Variants in GPRIN2 observed in about 807,000 individuals in gnomAD.
GPRIN2 encodes G protein-regulated inducer of neurite outgrowth 2.
A neutral mutation model predicts 0.3 loss-of-function variants in GPRIN2; 1 was observed. The ratio of observed to expected loss-of-function variants is 3.90; its 90% CI spans 1.39 to 18.51. The LOEUF (loss-of-function observed/expected upper bound fraction) is 18.51. Among genes scored for constraint, GPRIN2 ranks in the 30% most tolerant of loss-of-function variants. GPRIN2 has a pLI of 0.11. For missense variants in GPRIN2, 880 were observed against 604.2 expected, an observed-to-expected ratio of 1.46 and a Z score of -4.79; for synonymous variants, 361 against 258.6, an observed-to-expected ratio of 1.40 and a Z score of -3.80.
At position 46,547,707 on chromosome 10, in the gene GPRIN2, C is replaced by A. The variant is rs1832838109; in HGVS notation, c.*1653G>T. Among the ~76,000 whole-genome samples the A allele has an allele frequency of 1.2e-4, 18 of 152,300 alleles. No individual in the cohort carries two copies. The highest frequency in any genetic ancestry group is 4.1e-4 in the African/African-American group (17 of 41,476). On this transcript the variant is annotated 3_prime_UTR_variant, in exon 3 of 3. Transcript: ENST00000374314. ...CCTGGAGACTCCATGGGGAGCCAGG[C>A]ATGAAGATGGCATATACCCATGTGT...
chr10:46,552,129 G>C (rs759773735), intron 2 of GPRIN2, among the ~76,000 whole-genome samples: 17 of 152,298 alleles, frequency 1.1e-4, no homozygotes, highest in Admixed American at 3.3e-4. Flanking sequence ...ATGAGAAAAG[G>C]CTTCCTGGAG....
chr10:46,550,727 T>A lies in GPRIN2; in HGVS notation c.10A>T (p.Ser4Cys), dbSNP rs146887983. 2,241 of 1,504,344 alleles carry A rather than the reference T, an allele frequency of 1.5e-3. No individual in the cohort carries two copies. Among genetic ancestry groups the A allele is most frequent in the Non-Finnish European group, 1.8e-3 (2,073 of 1,127,590 alleles). The allele number at this position is 1,504,344 out of a possible 1,614,324, so 93.2% of individuals were successfully genotyped here. A position where few individuals can be genotyped will look rare whatever the true frequency, so the allele number is the denominator to read the frequency against. Reference sequence around the variant, plus strand: ...GCCCAGGGACCCGGCTCGGGGCGGCTGGAGCTCATGGCTGCCTGCAGAAGA... The same window carrying A: ...GCCCAGGGACCCGGCTCGGGGCGGCAGGAGCTCATGGCTGCCTGCAGAAGA... Reference protein sequence around the residue: MSSSRPEPGPWAPL... With the variant: MSSCRPEPGPWAPL... The change falls in exon 3 of 3, where the codon AGC becomes TGC. Residue 4 changes from serine (S) to cysteine (C), a missense_variant. Transcript: ENST00000374314.
chr10:46,546,211 T>C lies in GPRIN2; in HGVS notation c.*3149A>G, dbSNP rs1832912225. 1.3e-5 allele frequency among the ~76,000 whole-genome samples: 2 copies of C among 152,414 alleles called. No homozygotes were observed. The highest frequency in any genetic ancestry group is 4.1e-4 in the South Asian group (2 of 4,834). ...AGCCTGGGGCCAGACAAGGGATGCG[T>C]GTCTTGTGTCCTGGACACAAGACAG... On this transcript the variant is annotated 3_prime_UTR_variant, in exon 3 of 3. Coordinates refer to ENST00000374314, the MANE Select transcript of GPRIN2 (RefSeq NM_001385282.1).
At position 46,550,148 on chromosome 10, in the gene GPRIN2, G is replaced by A. The variant is rs1832466079; in HGVS notation, c.589C>T (p.Pro197Ser). The A allele has an allele frequency of 6.2e-7, 1 of 1,602,956 alleles. No individual in the cohort carries two copies. The highest frequency in any genetic ancestry group is 1.1e-5 in the South Asian group (1 of 89,840). The change falls in exon 3 of 3, where the codon CCA (proline) becomes TCA (serine). Residue 197 changes from proline to serine, a missense_variant. Physicochemically the swap from Pro to Ser is moderately conservative, Grantham distance 74. Transcript: ENST00000374314. Reference sequence around the variant, plus strand: ...GTTGTGTCCCCCAGGTCTAGTGGTGGCACTGACAACTGACTCGCCCCCAGC... The same window carrying A: ...GTTGTGTCCCCCAGGTCTAGTGGTGACACTGACAACTGACTCGCCCCCAGC... ...WMLGASQLSV[P>S]PLDLGDTTAH...
rs1841948167 is a variant in GPRIN2 at position 46,544,058 on chromosome 10, A to G, written c.*5302T>C. On this transcript the variant is annotated 3_prime_UTR_variant, in exon 3 of 3. Transcript: ENST00000374314. ...AACAGAACTGGCCCCATGTCTCTCA[A>G]TCAGGGAGGTCCCCAGCCAGCTTTG... 1.3e-5 allele frequency among the ~76,000 whole-genome samples: 2 copies of G among 152,414 alleles called. No homozygotes were observed. The highest frequency in any genetic ancestry group is 1.5e-5 in the Non-Finnish European group (1 of 68,048).
chr10:46,555,744 T>C (rs1227407194), intron 1 of GPRIN2, among the ~76,000 whole-genome samples: 1 of 152,294 alleles, frequency 6.6e-6, no homozygotes, highest in Admixed American at 6.5e-5. Flanking sequence ...CCACAATCCC[T>C]GGGGGGCACC....
Position 46,544,411 on chromosome 10 carries a change from C to A in GPRIN2, c.*4949G>T, listed in dbSNP as rs1472613516. ...CTATCTCGGCTCACTGCAACCTCCACCTCCTGGGCTCAAGCCATCTTCCCA... is the reference window on the plus strand; with the variant it reads ...CTATCTCGGCTCACTGCAACCTCCAACTCCTGGGCTCAAGCCATCTTCCCA... On this transcript the variant is annotated 3_prime_UTR_variant, in exon 3 of 3. Coordinates refer to ENST00000374314, the MANE Select transcript of GPRIN2 (RefSeq NM_001385282.1). 6.6e-6 allele frequency among the ~76,000 whole-genome samples: 1 copy of A among 152,310 alleles called. No individual in the cohort carries two copies. The highest frequency in any genetic ancestry group is 6.5e-5 in the Admixed American group (1 of 15,294).
chr10:46,553,705 C>T (rs1164591846), intron 2 of GPRIN2, among the ~76,000 whole-genome samples: 1 of 152,308 alleles, frequency 6.6e-6, no homozygotes, highest in African/African-American at 2.4e-5. Flanking sequence ...CTATTGGTTC[C>T]CTTCCCCATT....
Position 46,542,807 on chromosome 10 carries a change from A to G in GPRIN2, c.*6553T>C, listed in dbSNP as rs1209197234. ...GTGGGACAGTGCAGTGTGTCCCCAC[A>G]GGGGCTCAGGCCACACCCCAACCCA... is the stretch of plus-strand genomic sequence containing the variant. On this transcript the variant is annotated 3_prime_UTR_variant, in exon 3 of 3. Coordinates refer to ENST00000374314, the MANE Select transcript of GPRIN2 (RefSeq NM_001385282.1). Among the ~76,000 whole-genome samples the G allele has an allele frequency of 2.0e-5, 3 of 152,306 alleles. No homozygotes were observed. Among genetic ancestry groups the G allele is most frequent in the Non-Finnish European group, 4.4e-5 (3 of 68,056 alleles).
intron 2 of GPRIN2, 123 bp downstream of exon 2, chr10:46,554,462 C>T (rs1842954964): frequency 6.5e-6 from 1 of 152,962 alleles, no homozygotes; most frequent in Non-Finnish European, 1.5e-5. Context: ...ACCCACCCTG[C>T]CTTTATAACA....
rs1357167901 is a variant in GPRIN2, at chr10:46,544,212, C to T, written c.*5148G>A. On this transcript the variant is annotated 3_prime_UTR_variant, in exon 3 of 3. Transcript: ENST00000374314. ...ACTTCCCAGAAACCACACAGAGGAG[C>T]CCGGGTGTGCCAGAAACAGCCTTTC... Among the ~76,000 whole-genome samples the T allele has an allele frequency of 6.6e-6, 1 of 152,308 alleles. No individual in the cohort carries two copies. Among genetic ancestry groups the T allele is most frequent in the Non-Finnish European group, 1.5e-5 (1 of 68,056 alleles).
At position 46,550,657 on chromosome 10, in the gene GPRIN2, C is replaced by A; in HGVS notation, c.80G>T (p.Ser27Ile). The change falls in exon 3 of 3, where the codon AGC becomes ATC. Residue 27 changes from serine (S) to isoleucine (I), a missense_variant. By Grantham distance (142) the Ser-to-Ile change is moderately radical (BLOSUM62 -2). Transcript: ENST00000374314. ...RLQPLSQSSS[S>I]LLGEGREQRP... is the part of the protein sequence containing the mutation. Reference sequence around the variant, plus strand: ...CTGTTCCCGGCCTTCACCCAGCAGGCTGGAAGAGCTCTGGGACAGGGGCTG... The same window carrying A: ...CTGTTCCCGGCCTTCACCCAGCAGGATGGAAGAGCTCTGGGACAGGGGCTG... The A allele has an allele frequency of 6.5e-7, 1 of 1,550,002 alleles. No individual in the cohort carries two copies. The highest frequency in any genetic ancestry group is 1.4e-5 in the African/African-American group (1 of 73,196).
At chr10:46,553,889 A>C (rs2131578373) in intron 2 of GPRIN2, among the ~76,000 whole-genome samples, 1 of 152,300 alleles carries the variant, frequency 6.6e-6, no homozygotes, top group South Asian at 2.1e-4. Context: ...TACTGGGGGA[A>C]AGAGGCTTCC....
intron 2 of GPRIN2, chr10:46,551,615 T>G: frequency 3.8e-6 from 2 of 522,794 alleles, no homozygotes; most frequent in Non-Finnish European, 4.9e-6. Context: ...GCCCACCCAG[T>G]ACCATCAATC....
At position 46,543,128 on chromosome 10, in the gene GPRIN2, G is replaced by A. The variant is rs1565180182; in HGVS notation, c.*6232C>T. 2.0e-5 allele frequency among the ~76,000 whole-genome samples: 3 copies of A among 152,426 alleles called. No homozygotes were observed. The East Asian group carries it at 5.8e-4, about 29-fold the overall frequency. On this transcript the variant is annotated 3_prime_UTR_variant, in exon 3 of 3. Transcript: ENST00000374314. ...TGTAAGGAGATGCTCAGATGTTTTG[G>A]TTTGTGTCCAAAGAGGGGAAGGACA...
rs1842045971 is a variant in GPRIN2, at chr10:46,545,172, C to T, written c.*4188G>A. On this transcript the variant is annotated 3_prime_UTR_variant, in exon 3 of 3. Coordinates refer to ENST00000374314, the MANE Select transcript of GPRIN2 (RefSeq NM_001385282.1). The stretch of plus-strand genomic sequence containing the variant: ...CTACAAGCTTGGCATGACATGGATG[C>T]AAATGTCAATGGGTGCACCCCCAGA... 6.6e-6 allele frequency among the ~76,000 whole-genome samples: 1 copy of T among 152,310 alleles called. No homozygotes were observed. The highest frequency in any genetic ancestry group is 2.1e-4 in the South Asian group (1 of 4,838).
chr10:46,550,048 G>A lies in GPRIN2; in HGVS notation c.689C>T (p.Pro230Leu), dbSNP rs1240957157. 2 of 1,613,766 alleles carry A rather than the reference G, an allele frequency of 1.2e-6. No individual in the cohort carries two copies. The highest frequency in any genetic ancestry group is 1.7e-6 in the Non-Finnish European group (2 of 1,179,846). The stretch of plus-strand genomic sequence containing the variant: ...CATGCCACAGAGTAGAGCAGCTGGG[G>A]GCAGAGCATGGCAGGTGGTGGTAGC... Reference protein sequence around the residue: ...QLATTTCHALPPAALLCGMRE... With the variant: ...QLATTTCHALLPAALLCGMRE... The change falls in exon 3 of 3, where the codon CCC (proline) becomes CTC (leucine). Residue 230 changes from proline to leucine, a missense_variant. Physicochemically the swap from Pro to Leu is moderately conservative, Grantham distance 98. Coordinates refer to ENST00000374314, the MANE Select transcript of GPRIN2 (RefSeq NM_001385282.1).
rs1832427233 is a variant in GPRIN2, at chr10:46,550,273, T to G, written c.464A>C (p.Gln155Pro). 2 of 1,612,228 alleles carry G rather than the reference T, an allele frequency of 1.2e-6. No homozygotes were observed. The highest frequency in any genetic ancestry group is 2.2e-5 in the South Asian group (2 of 90,998). ...ALGSSPVHRA[Q>P]LQPGGTSGQG... is the part of the protein sequence containing the mutation. Reference sequence around the variant, plus strand: ...GCCAGAAGTACCACCTGGCTGCAGCTGAGCCCTGTGGACAGGGCTGCTGCC... The same window carrying G: ...GCCAGAAGTACCACCTGGCTGCAGCGGAGCCCTGTGGACAGGGCTGCTGCC... Residue 155 changes from glutamine to proline, a missense_variant, in exon 3 of 3, where the codon CAG becomes CCG. Transcript: ENST00000374314.
rs1832736910 is a variant in GPRIN2, at chr10:46,549,386, C to T, written c.1351G>A (p.Gly451Ser). 642 of 1,490,730 alleles carry T rather than the reference C, an allele frequency of 4.3e-4. No individual in the cohort carries two copies. Among genetic ancestry groups the T allele is most frequent in the Non-Finnish European group, 5.3e-4 (594 of 1,122,686 alleles). 92.3% of individuals were successfully genotyped at this position (1,490,730 alleles called of 1,614,324 possible). A position where few individuals can be genotyped will look rare whatever the true frequency, so the allele number is the denominator to read the frequency against. The change falls in exon 3 of 3, where the codon GGC becomes AGC. Residue 451 changes from glycine (G) to serine (S), a missense_variant. By Grantham distance (56) the Gly-to-Ser change is moderately conservative. Transcript: ENST00000374314. Reference sequence around the variant, plus strand: ...CACTCGGGGGCCGCGCCGGAGCAGCCGCAGCAGCTGGGGCGCCGCAGGGAC... The same window carrying T: ...CACTCGGGGGCCGCGCCGGAGCAGCTGCAGCAGCTGGGGCGCCGCAGGGAC... Reference protein sequence around the residue: ...MQSLRRPSCCGCSGAAPE With the variant: ...MQSLRRPSCCSCSGAAPE
Sources: gnomAD v4.1 joint callset for allele counts (sites outside exome capture counted in the v4.1 genomes callset) on GRCh38, gnomAD v4.1.1 for gene constraint, MANE v1.5 for transcripts, NCBI Gene and HGNC (gene_info 2026-07-23, HGNC 2026-07-21) for gene names.